MIER1: variants seen among roughly 807,000 people sequenced by gnomAD.
MIER1 encodes the protein mesoderm induction early response protein 1.
In MIER1, 40 loss-of-function variants were observed where a neutral mutation model predicts 75.7. The ratio of observed to expected loss-of-function variants is 0.53; its 90% CI spans 0.41 to 0.69. The LOEUF (loss-of-function observed/expected upper bound fraction) is 0.69. Among genes scored for constraint, MIER1 ranks in the 30% least tolerant of loss-of-function variants. The probability of loss-of-function intolerance (pLI) is 0.00; values close to 1 mark genes in which losing one functional copy is unlikely to be tolerated. For synonymous variants in MIER1, 213 were observed against 223.4 expected (o/e 0.95, Z 0.42); for missense variants, 574 against 680.2 (o/e 0.84, Z 1.74).
chr1:66,940,834 T>C (rs898966669), intron 3 of MIER1, among the ~76,000 whole-genome samples: 5 of 152,156 alleles, frequency 3.3e-5, no homozygotes, highest in African/African-American at 1.2e-4. Context: ...CAAGTACTAG[T>C]CTTTTATCCT....
chr1:66,986,588 G>A lies in MIER1; in HGVS notation c.*1688G>A, dbSNP rs1666811004. On this transcript the variant is annotated 3_prime_UTR_variant, in exon 14 of 14. Coordinates refer to ENST00000401041, the MANE Select transcript of MIER1 (RefSeq NM_001077700.3). ...CCATGAAGTATTACTGTTAACATAT[G>A]TTCGGACTGCTTCCCTTCACCAATG... The A allele has an allele frequency of 1.2e-6, 1 of 827,982 alleles. No homozygotes were observed. The highest frequency in any genetic ancestry group is 2.0e-6 in the Non-Finnish European group (1 of 507,126). 51.3% of individuals were successfully genotyped at this position (827,982 alleles called of 1,614,324 possible). A position where few individuals can be genotyped will look rare whatever the true frequency, so the allele number is the denominator to read the frequency against.
intron 8 of MIER1, among the ~76,000 whole-genome samples, chr1:66,970,168 ATCT>A (rs1159782655): frequency 1.3e-5 from 2 of 152,154 alleles, no homozygotes; most frequent in African/African-American, 2.4e-5. Context: ...TTAGGCTTTC[ATCT>A]TCTTATAATG....
intron 2 of MIER1, 73 bp downstream of exon 2, chr1:66,926,315 C>T: frequency 8.4e-7 from 1 of 1,194,802 alleles, no homozygotes; most frequent in Non-Finnish European, 1.2e-6. Context: ...GATTATATTA[C>T]TCTTCTTATA....
chr1:66,959,331 A>G (rs563078922), intron 6 of MIER1, among the ~76,000 whole-genome samples: 108 of 152,214 alleles, frequency 7.1e-4, no homozygotes, highest in Non-Finnish European at 1.4e-3. Flanking sequence ...ATATTCATAA[A>G]TACACCTAAA....
At chr1:66,975,074 G>A (rs1030798088) in intron 11 of MIER1, among the ~76,000 whole-genome samples, 5 of 152,212 alleles carry the variant, frequency 3.3e-5, no homozygotes, top group South Asian at 2.1e-4. Flanking sequence ...CAGTGCAAAC[G>A]GGAAGAAAGC....
At chr1:66,977,989 G>C (rs999792714) in intron 12 of MIER1, among the ~76,000 whole-genome samples, 2 of 152,076 alleles carry the variant, frequency 1.3e-5, no homozygotes, top group South Asian at 4.1e-4. Flanking sequence ...ACAAGGTCAG[G>C]AGTTTGAGAC....
At chr1:66,958,427 GTTTC>G (rs1660601905) in intron 5 of MIER1, among the ~76,000 whole-genome samples, 1 of 151,584 alleles carries the variant, frequency 6.6e-6, no homozygotes, top group Non-Finnish European at 1.5e-5. Flanking sequence ...GTCATTTCAG[GTTTC>G]TTTTTTTCCA....
intron 2 of MIER1, among the ~76,000 whole-genome samples, chr1:66,938,310 T>G (rs1186770160): frequency 4.6e-5 from 7 of 152,200 alleles, no homozygotes; most frequent in Non-Finnish European, 7.4e-5. Context: ...TATTCTTCAG[T>G]AACTTGTAAT....
At chr1:66,942,088 A>C (rs186328043) in intron 3 of MIER1, among the ~76,000 whole-genome samples, 35 of 152,260 alleles carry the variant, frequency 2.3e-4, no homozygotes, top group Non-Finnish European at 4.0e-4. Flanking sequence ...TGAGTTAGAC[A>C]GTATTTGTCA....
At chr1:66,965,536 G>T (rs1338817612) in intron 8 of MIER1, among the ~76,000 whole-genome samples, 1 of 151,932 alleles carries the variant, frequency 6.6e-6, no homozygotes, top group East Asian at 1.9e-4. Flanking sequence ...ATTTTTGTGG[G>T]TACATAGTAG....
At chr1:66,934,572 CTT>C (rs34540359) in intron 2 of MIER1, among the ~76,000 whole-genome samples, 3 of 138,256 alleles carry the variant, frequency 2.2e-5, no homozygotes, top group Non-Finnish European at 3.1e-5. Flanking sequence ...TCATGCCCGG[CTT>C]TTTTTTTTTT....
intron 3 of MIER1, 123 bp from the exon 4 acceptor site, chr1:66,946,027 C>G (rs1657556762): frequency 2.6e-6 from 2 of 772,312 alleles, no homozygotes; most frequent in Non-Finnish European, 2.0e-6. Context: ...ATAATAGTTG[C>G]TGTGCGTAGC....
intron 2 of MIER1, among the ~76,000 whole-genome samples, chr1:66,935,268 T>C (rs553004335): frequency 5.8e-4 from 88 of 152,324 alleles, no homozygotes; most frequent in African/African-American, 2.0e-3. Flanking sequence ...AGGCATTGAA[T>C]ATTCGTTACA....
At position 66,976,735 on chromosome 1, in the gene MIER1, T is replaced by G. The variant is rs1664799173; in HGVS notation, c.1229+13T>G. 2 of 1,569,850 alleles carry G rather than the reference T, an allele frequency of 1.3e-6. No homozygotes were observed. Among genetic ancestry groups the G allele is most frequent in the African/African-American group, 1.4e-5 (1 of 72,738 alleles). On this transcript the variant is annotated intron_variant, in intron 12 of 13. Coordinates refer to ENST00000401041, the MANE Select transcript of MIER1 (RefSeq NM_001077700.3). ...ATCCTGGTGTAACGTGAGTTAATTT[T>G]TTCCTTAAGAGCTATATATACATTT...
At chr1:66,976,466 T>C in intron 11 of MIER1, 129 bp from the exon 12 acceptor site, 1 of 706,146 alleles carries the variant, frequency 1.4e-6, no homozygotes, top group African/African-American at 1.8e-5. Flanking sequence ...TGCTACACTG[T>C]TGTATGTTAT....
At chr1:66,944,124 T>G (rs1007068079) in intron 3 of MIER1, among the ~76,000 whole-genome samples, 1 of 152,126 alleles carries the variant, frequency 6.6e-6, no homozygotes, top group East Asian at 1.9e-4. Context: ...AAAATGATTC[T>G]TTTGAAAATT....
intron 2 of MIER1, among the ~76,000 whole-genome samples, chr1:66,936,685 C>G (rs1654923668): frequency 6.6e-6 from 1 of 151,942 alleles, no homozygotes; most frequent in African/African-American, 2.4e-5. Context: ...TTTAAACATA[C>G]TTTGAACTGA....
At chr1:66,943,081 CTT>C (rs1353840731) in intron 3 of MIER1, among the ~76,000 whole-genome samples, 3 of 152,064 alleles carry the variant, frequency 2.0e-5, no homozygotes. Context: ...TTTTTAGGGT[CTT>C]TCTGCCTACA....
rs1377379145 is a variant in MIER1 at position 66,985,333 on chromosome 1, C to CT, written c.*434dup. On this transcript the variant is annotated 3_prime_UTR_variant, in exon 14 of 14. Transcript: ENST00000401041. ...AAATTTCTGCTTAATACCAATTTCT[C>CT]TGAGTTTCTTGAAATGTCTTTAAAA... is the stretch of plus-strand genomic sequence containing the variant. The CT allele has an allele frequency of 5.7e-5, 56 of 985,340 alleles. 1 individual carries two copies. Among genetic ancestry groups the CT allele is most frequent in the Non-Finnish European group, 6.6e-5 (55 of 829,892 alleles). The allele number at this position is 985,340 out of a possible 1,614,324, so 61.0% of individuals were successfully genotyped here.
Sources: gnomAD v4.1 joint callset for allele counts (sites outside exome capture counted in the v4.1 genomes callset) on GRCh38, gnomAD v4.1.1 for gene constraint, MANE v1.5 for transcripts, NCBI Gene and HGNC (gene_info 2026-07-23, HGNC 2026-07-21) for gene names.